The following AMBP variants were observed in gnomAD, a reference collection of about 807,000 sequenced individuals.
AMBP encodes the protein alpha-1-microglobulin/bikunin precursor.
In AMBP, 37 loss-of-function variants were observed where a neutral mutation model predicts 46.3. The ratio of observed to expected loss-of-function variants is 0.80; its 90% CI spans 0.61 to 1.05. The LOEUF is 1.05. AMBP is among the 50% of genes least tolerant of loss of function. AMBP has a pLI of 0.00. For synonymous variants in AMBP, 174 were observed against 175.9 expected (o/e 0.99, Z 0.09); for missense variants, 475 against 461.2 (o/e 1.03, Z -0.27).
At chr9:114,074,886 CAG>C (rs1846788544) in intron 3 of AMBP, 72 bp downstream of exon 3, 3 of 1,327,404 alleles carry the variant, frequency 2.3e-6, no homozygotes, top group Admixed American at 3.4e-5. Flanking sequence ...GTTACAGAGG[CAG>C]AGGGAGCTGA....
chr9:114,066,936 G>GTTATTA (rs926511071), intron 6 of AMBP, among the ~76,000 whole-genome samples: 4 of 151,934 alleles, frequency 2.6e-5, no homozygotes, highest in East Asian at 1.9e-4. Flanking sequence ...AGGATGTGTT[G>GTTATTA]TTATTATTAT....
chr9:114,076,886 C>T (rs1846818608), intron 1 of AMBP, 146 bp from the exon 2 acceptor site: 6 of 1,089,910 alleles, frequency 5.5e-6, no homozygotes, highest in Admixed American at 5.4e-5. Flanking sequence ...TAATGTCTTA[C>T]AACTAATCAG....
In AMBP at chr9:114,076,682, A is replaced by G. The variant is rs775583246; in HGVS notation, c.176T>C (p.Ile59Thr). Residue 59 changes from isoleucine (I) to threonine (T), a missense_variant, in exon 2 of 10, where the codon ATC becomes ACC. Physicochemically the swap from Ile to Thr is moderately conservative, Grantham distance 89. This residue lies in a region of AMBP where 179 missense variants were observed against 167.4 expected (regional missense o/e 1.07). Coordinates refer to ENST00000265132, the MANE Select transcript of AMBP (RefSeq NM_001633.4). Reference sequence around the variant, plus strand: ...CGTGCTCACTGTCATCCTGTCCATGATCTTCTTCAGCCAGGGGCAGGTGGA... The same window carrying G: ...CGTGCTCACTGTCATCCTGTCCATGGTCTTCTTCAGCCAGGGGCAGGTGGA... The part of the protein sequence containing the change: ...IGSTCPWLKK[I>T]MDRMTVSTLV... 6.2e-7 allele frequency: 1 copy of G among 1,613,718 alleles called. No homozygotes were observed. The highest frequency in any genetic ancestry group is 1.7e-5 in the Admixed American group (1 of 59,954).
At chr9:114,075,786 G>A (rs1846800326) in intron 2 of AMBP, among the ~76,000 whole-genome samples, 2 of 152,184 alleles carry the variant, frequency 1.3e-5, no homozygotes, top group Admixed American at 1.3e-4. Context: ...GGGTGTCTGG[G>A]AGGGCTTCCT....
intron 6 of AMBP, among the ~76,000 whole-genome samples, chr9:114,066,345 ATTAC>A (rs1309821155): frequency 6.7e-6 from 1 of 149,370 alleles, no homozygotes; most frequent in Non-Finnish European, 1.5e-5. Context: ...AAGCTATAGA[ATTAC>A]TTAATCAGAA....
chr9:114,066,377 G>A (rs1156794903), intron 6 of AMBP, among the ~76,000 whole-genome samples: 1 of 740 alleles, frequency 1.4e-3, no homozygotes, highest in Non-Finnish European at 2.4e-3. Flanking sequence ...TTATGTGCAC[G>A]TGTGTGTGTG....
intron 5 of AMBP, among the ~76,000 whole-genome samples, chr9:114,072,706 G>A (rs1846758003): frequency 6.6e-6 from 1 of 152,244 alleles, no homozygotes; most frequent in African/African-American, 2.4e-5. Flanking sequence ...ACACATGGCA[G>A]TAGAATGAAC....
chr9:114,069,952 C>G (rs189293933), intron 5 of AMBP: 2 of 580,230 alleles, frequency 3.4e-6, no homozygotes, highest in Admixed American at 6.0e-5. Flanking sequence ...TACCATCTAT[C>G]CACTCCACCC....
At chr9:114,074,194 G>A (rs777200474) in intron 3 of AMBP, 42 bp from the exon 4 acceptor site, 2 of 1,531,872 alleles carry the variant, frequency 1.3e-6, no homozygotes, top group Admixed American at 3.3e-5. Context: ...TCAGTGGTCA[G>A]TAGACTCTTC....
Position 114,074,993 on chromosome 9 carries a change from CT to C in AMBP, c.303del (p.Asp102IlefsTer15). On this transcript the variant is annotated frameshift_variant, in exon 3 of 10. Transcript: ENST00000265132. LOFTEE classifies it high-confidence loss of function. ...TGATAGAGAAACTTCCCATCAGTATCTGTTTTCTCATAAGCTCCAGACGTCT... is the reference window on the plus strand; with the variant it reads ...TGATAGAGAAACTTCCCATCAGTATCGTTTTCTCATAAGCTCCAGACGTCT... ...CEETSGAYEK[T>X]DTDGKFLYHK... is the part of the protein sequence containing the mutation. The C allele has an allele frequency of 6.2e-7, 1 of 1,614,134 alleles. No homozygotes were observed. Among genetic ancestry groups the C allele is most frequent in the Non-Finnish European group, 8.5e-7 (1 of 1,180,022 alleles).
chr9:114,061,645 T>G, intron 7 of AMBP, 54 bp from the exon 8 acceptor site: 7 of 1,514,652 alleles, frequency 4.6e-6, no homozygotes, highest in Non-Finnish European at 6.2e-6. Flanking sequence ...GTACCCATTA[T>G]CAGGCTGGGC....
intron 7 of AMBP, 98 bp from the exon 8 acceptor site, chr9:114,061,689 A>C (rs1588487485): frequency 7.4e-7 from 1 of 1,354,730 alleles, no homozygotes; most frequent in South Asian, 1.5e-5. Flanking sequence ...AATTTTCACT[A>C]AAAGGATTAT....
chr9:114,065,608 G>A (rs1846686411), intron 6 of AMBP, among the ~76,000 whole-genome samples: 1 of 152,098 alleles, frequency 6.6e-6, no homozygotes, highest in Non-Finnish European at 1.5e-5. Flanking sequence ...AGACCCGCAT[G>A]TGCACCTCGG....
At chr9:114,074,235 A>G in intron 3 of AMBP, 83 bp from the exon 4 acceptor site, 1 of 1,010,628 alleles carries the variant, frequency 9.9e-7, no homozygotes, top group East Asian at 2.4e-5. Context: ...GTTTACTCAC[A>G]CATCATCTCC....
At chr9:114,069,923 C>A in intron 5 of AMBP, 178 bp from the exon 6 acceptor site, 1 of 615,088 alleles carries the variant, frequency 1.6e-6, no homozygotes, top group Non-Finnish European at 2.9e-6. Context: ...AAGCAAGAGA[C>A]TGGTGGCTGC....
At chr9:114,076,955 C>A (rs116143741) in intron 1 of AMBP, among the ~76,000 whole-genome samples, 1 of 152,278 alleles carries the variant, frequency 6.6e-6, no homozygotes, top group East Asian at 1.9e-4. Flanking sequence ...GGCATCACAG[C>A]GAACCCAGGA....
intron 7 of AMBP, 81 bp from the exon 8 acceptor site, chr9:114,061,672 C>T: frequency 7.1e-7 from 1 of 1,415,046 alleles, no homozygotes; most frequent in Non-Finnish European, 9.5e-7. Context: ...TATGCGCCAT[C>T]TCATTTAATT....
At chr9:114,074,233 A>G in intron 3 of AMBP, 81 bp from the exon 4 acceptor site, 6 of 1,026,344 alleles carry the variant, frequency 5.8e-6, no homozygotes, top group Non-Finnish European at 9.2e-6. Context: ...CTGTTTACTC[A>G]CACATCATCT....
intron 7 of AMBP, among the ~76,000 whole-genome samples, chr9:114,062,469 C>T (rs1421439784): frequency 6.6e-6 from 1 of 152,236 alleles, no homozygotes; most frequent in Admixed American, 6.5e-5. Context: ...TGACAGTTCT[C>T]AAGCCCAGGA....
Sources: gnomAD v4.1 joint callset for allele counts (sites outside exome capture counted in the v4.1 genomes callset) on GRCh38, gnomAD v4.1.1 for gene constraint, gnomAD v4.1.1 regional missense constraint, MANE v1.5 for transcripts, NCBI Gene and HGNC (gene_info 2026-07-23, HGNC 2026-07-21) for gene names.